Variants in JAKMIP2 observed in about 807,000 individuals in gnomAD.
The protein encoded by JAKMIP2 is janus kinase and microtubule-interacting protein 2.
A neutral mutation model predicts 115.0 loss-of-function variants in JAKMIP2; 25 were observed. The ratio of observed to expected loss-of-function variants is 0.22; its 90% CI spans 0.16 to 0.30. The LOEUF (loss-of-function observed/expected upper bound fraction) is 0.30. Among genes scored for constraint, JAKMIP2 ranks in the 10% least tolerant of loss-of-function variants. The pLI, the probability that JAKMIP2 is intolerant of heterozygous loss-of-function variation, is 1.00. For missense variants in JAKMIP2, 642 were observed against 957.6 expected (o/e 0.67, Z 4.35); for synonymous variants, 334 against 343.6 (o/e 0.97, Z 0.31).
At chr5:147,739,610 G>A (rs549835359) in intron 1 of JAKMIP2, among the ~76,000 whole-genome samples, 1 of 152,146 alleles carries the variant, frequency 6.6e-6, no homozygotes, top group Non-Finnish European at 1.5e-5. Context: ...TTTTTCAGTA[G>A]GCAACAGAAG....
rs1234837001 is a variant in JAKMIP2 at position 147,600,662 on chromosome 5, T to C, written c.*20+1079A>G. 7.9e-5 allele frequency among the ~76,000 whole-genome samples: 12 copies of C among 152,196 alleles called. No individual in the cohort carries two copies. The East Asian group carries it at 2.3e-3, about 30-fold the overall frequency. On this transcript the variant is annotated intron_variant, in intron 21 of 21. Transcript: ENST00000616793. ...TATTTGGCCGGCCATCAGAATCACATAGCGTGCTTGTTAAATACAGACCAG... is the reference window on the plus strand; with the variant it reads ...TATTTGGCCGGCCATCAGAATCACACAGCGTGCTTGTTAAATACAGACCAG...
intron 1 of JAKMIP2, among the ~76,000 whole-genome samples, chr5:147,737,662 T>G (rs983162261): frequency 5.3e-5 from 8 of 152,262 alleles, no homozygotes; most frequent in African/African-American, 1.9e-4. Context: ...GAGTTACAAG[T>G]GTCTTATTGA....
At chr5:147,599,163 C>A (rs1207000757) in intron 21 of JAKMIP2, among the ~76,000 whole-genome samples, 1 of 152,104 alleles carries the variant, frequency 6.6e-6, no homozygotes, top group African/African-American at 2.4e-5. Flanking sequence ...AATGTGGTAG[C>A]TAATTTTTAA....
At chr5:147,730,274 T>C (rs1753678116) in intron 1 of JAKMIP2, among the ~76,000 whole-genome samples, 1 of 152,142 alleles carries the variant, frequency 6.6e-6, no homozygotes, top group Admixed American at 6.5e-5. Flanking sequence ...GGCCAAACTT[T>C]CATCAGGGTC....
chr5:147,671,530 A>T, intron 2 of JAKMIP2, 148 bp downstream of exon 2: 1 of 496,932 alleles, frequency 2.0e-6, no homozygotes, highest in Non-Finnish European at 3.2e-6. Flanking sequence ...CACATGCAAT[A>T]AGCTCTCCAT....
chr5:147,684,296 AACACACACAC>A (rs10565596), intron 1 of JAKMIP2, among the ~76,000 whole-genome samples: 4,517 of 147,330 alleles, frequency 0.031, 215 homozygotes, highest in African/African-American at 0.1. Context: ...AGTGCCAGAG[AACACACACAC>A]ACACACACAC....
At position 147,618,011 on chromosome 5, in the gene JAKMIP2, G is replaced by C. The variant is rs181696687; in HGVS notation, c.2246C>G (p.Thr749Arg). The C allele has an allele frequency of 6.2e-7, 1 of 1,613,958 alleles. No homozygotes were observed. The highest frequency in any genetic ancestry group is 8.5e-7 in the Non-Finnish European group (1 of 1,179,878). Residue 749 changes from threonine (T) to arginine (R), a missense_variant, in exon 19 of 22, where the codon ACG becomes AGG. Coordinates refer to ENST00000616793, the MANE Select transcript of JAKMIP2 (RefSeq NM_001270941.2). ...TTGCCGCCGTAACTTTTCTACTGCCGTCCTCAGCTCCTCTTGCTGTTTTTC... is the reference window on the plus strand; with the variant it reads ...TTGCCGCCGTAACTTTTCTACTGCCCTCCTCAGCTCCTCTTGCTGTTTTTC... ...LSEKQQEELR[T>R]AVEKLRRQML...
rs180951613 is a variant in JAKMIP2, at chr5:147,589,740, C to A, written c.*1967G>T. 6.6e-6 allele frequency: 1 copy of A among 152,090 alleles called. No homozygotes were observed. Among genetic ancestry groups the A allele is most frequent in the Non-Finnish European group, 1.5e-5 (1 of 68,026 alleles). 9.4% of individuals were successfully genotyped at this position (152,090 alleles called of 1,614,324 possible). The stretch of plus-strand genomic sequence containing the variant: ...CTATTTCCTATAGATTATTAAAGAT[C>A]CTGGTTTTGAATCTCTCAATTTTTA... On this transcript the variant is annotated 3_prime_UTR_variant, in exon 22 of 22. Transcript: ENST00000616793.
chr5:147,666,074 G>A (rs1759285105), intron 2 of JAKMIP2, among the ~76,000 whole-genome samples: 1 of 152,100 alleles, frequency 6.6e-6, no homozygotes, highest in Admixed American at 6.5e-5. Context: ...AGTAACATTT[G>A]ACATGTTTTT....
intron 1 of JAKMIP2, among the ~76,000 whole-genome samples, chr5:147,718,438 G>A (rs1228355847): frequency 6.6e-6 from 1 of 152,034 alleles, no homozygotes; most frequent in South Asian, 2.1e-4. Flanking sequence ...GTTCCTCCTT[G>A]TACCTCTGGT....
At chr5:147,633,299 ACT>A (rs1164286687) in intron 12 of JAKMIP2, among the ~76,000 whole-genome samples, 2 of 152,272 alleles carry the variant, frequency 1.3e-5, no homozygotes, top group South Asian at 4.1e-4. Flanking sequence ...AAATATTATC[ACT>A]GTCATCTCTG....
intron 18 of JAKMIP2, among the ~76,000 whole-genome samples, chr5:147,618,542 G>A (rs145942488): frequency 5.3e-5 from 8 of 152,090 alleles, no homozygotes; most frequent in Non-Finnish European, 1.0e-4. Context: ...TTCGAGACCA[G>A]CCTGGCCAAT....
rs772432775 is a variant in JAKMIP2, at chr5:147,586,374, G to T, written c.*5333C>A. On this transcript the variant is annotated 3_prime_UTR_variant, in exon 22 of 22. Coordinates refer to ENST00000616793, the MANE Select transcript of JAKMIP2 (RefSeq NM_001270941.2). The stretch of plus-strand genomic sequence containing the variant: ...GGGAAGTTGCTATGGTTAATGGCTG[G>T]TATAGGCACAGTCTGTGAGATGTCA... The T allele has an allele frequency of 6.6e-6, 1 of 152,076 alleles. No individual in the cohort carries two copies. The highest frequency in any genetic ancestry group is 1.5e-5 in the Non-Finnish European group (1 of 68,018). The allele number at this position is 152,076 out of a possible 1,614,324, so 9.4% of individuals were successfully genotyped here.
intron 1 of JAKMIP2, among the ~76,000 whole-genome samples, chr5:147,684,003 G>A (rs1223620484): frequency 1.3e-5 from 2 of 152,166 alleles, no homozygotes; most frequent in Middle Eastern, 6.8e-3. Context: ...AAATTACAGA[G>A]CAATACAGAT....
At chr5:147,618,223 A>G (rs1756680072) in intron 18 of JAKMIP2, 109 bp from the exon 19 acceptor site, 2 of 779,358 alleles carry the variant, frequency 2.6e-6, no homozygotes, top group Non-Finnish European at 2.2e-6. Flanking sequence ...TTAGGCTTAT[A>G]GGATCTTAGC....
At chr5:147,684,786 G>A (rs2126842987) in intron 1 of JAKMIP2, among the ~76,000 whole-genome samples, 1 of 152,280 alleles carries the variant, frequency 6.6e-6, no homozygotes, top group South Asian at 2.1e-4. Flanking sequence ...GTTATATGCA[G>A]AGCAGAAGGG....
chr5:147,594,361 G>A (rs1485978844), intron 21 of JAKMIP2: 1 of 420,024 alleles, frequency 2.4e-6, no homozygotes, highest in Non-Finnish European at 5.0e-6. Flanking sequence ...TTGATACAGG[G>A]TCTTGCTTTG....
intron 1 of JAKMIP2, among the ~76,000 whole-genome samples, chr5:147,689,213 G>A (rs1760720537): frequency 6.6e-6 from 1 of 152,166 alleles, no homozygotes; most frequent in South Asian, 2.1e-4. Flanking sequence ...AGCTAGGACA[G>A]CAGCCAAAGA....
chr5:147,701,357 C>A (rs1340578566), intron 1 of JAKMIP2, among the ~76,000 whole-genome samples: 1 of 152,102 alleles, frequency 6.6e-6, no homozygotes, highest in African/African-American at 2.4e-5. Flanking sequence ...TGAAAAGCAG[C>A]CTCTACTTGA....
Sources: gnomAD v4.1 joint callset for allele counts (sites outside exome capture counted in the v4.1 genomes callset) on GRCh38, gnomAD v4.1.1 for gene constraint, MANE v1.5 for transcripts, NCBI Gene and HGNC (gene_info 2026-07-23, HGNC 2026-07-21) for gene names.